CFAP54: variants seen among roughly 807,000 people sequenced by gnomAD.
CFAP54 encodes cilia and flagella associated protein 54, also known as cilia- and flagella-associated protein 54.
CFAP54 carries 290 observed loss-of-function variants against 370.4 expected under a neutral mutation model. The ratio of observed to expected loss-of-function variants is 0.78; its 90% CI spans 0.71 to 0.86. The LOEUF (loss-of-function observed/expected upper bound fraction) is 0.86. Among genes scored for constraint, CFAP54 ranks in the 40% least tolerant of loss-of-function variants. The probability of loss-of-function intolerance (pLI) is 0.00; values close to 1 mark genes in which losing one functional copy is unlikely to be tolerated. For synonymous variants in CFAP54, 1,206 were observed against 1,236.5 expected (o/e 0.98, Z 0.52); for missense variants, 3,399 against 3,528.7 (o/e 0.96, Z 0.93).
intron 51 of CFAP54, among the ~76,000 whole-genome samples, chr12:96,741,222 A>C (rs759156911): frequency 1.3e-5 from 2 of 152,114 alleles, no homozygotes; most frequent in Non-Finnish European, 2.9e-5. Flanking sequence ...CCTGGAATGC[A>C]GTGGCACAGT....
At chr12:96,615,379 T>C (rs1256548011) in intron 26 of CFAP54, among the ~76,000 whole-genome samples, 1 of 152,210 alleles carries the variant, frequency 6.6e-6, no homozygotes. Context: ...GATTAAAGAC[T>C]TAAATGTTAG....
Position 96,647,984 on chromosome 12 carries a change from A to G in CFAP54, c.4657A>G (p.Thr1553Ala). ...TAAAGCAATGCTTGATTTCCTTCTTACAGCCAAAAAAAGAAAGGCCAACTT... is the reference window on the plus strand; with the variant it reads ...TAAAGCAATGCTTGATTTCCTTCTTGCAGCCAAAAAAAGAAAGGCCAACTT... The part of the protein sequence containing the change: ...NYKAMLDFLL[T>A]AKKRKANLPS... Residue 1553 changes from threonine (T) to alanine (A), a missense_variant, in exon 34 of 68, where the codon ACA (threonine) becomes GCA (alanine). Physicochemically the swap from Thr to Ala is moderately conservative, Grantham distance 58. Around this residue, in one of 3 missense-constraint regions of CFAP54, gnomAD observed 2,796 missense variants for 2,869.7 expected, o/e 0.97. Coordinates refer to ENST00000524981, the MANE Select transcript of CFAP54 (RefSeq NM_001306084.2). The G allele has an allele frequency of 6.6e-7, 1 of 1,513,534 alleles. No individual in the cohort carries two copies. The highest frequency in any genetic ancestry group is 1.3e-5 in the South Asian group (1 of 78,446). 93.8% of individuals were successfully genotyped at this position (1,513,534 alleles called of 1,614,324 possible).
intron 60 of CFAP54, among the ~76,000 whole-genome samples, chr12:96,765,799 A>G (rs1958397053): frequency 6.6e-6 from 1 of 152,228 alleles, no homozygotes; most frequent in Non-Finnish European, 1.5e-5. Context: ...CTGGACTGCA[A>G]TACTGTTTAT....
At chr12:96,708,294 G>C (rs1438122915) in intron 47 of CFAP54, among the ~76,000 whole-genome samples, 1 of 152,130 alleles carries the variant, frequency 6.6e-6, no homozygotes, top group East Asian at 1.9e-4. Flanking sequence ...TGTCTAATGA[G>C]CTTTCAGTTT....
Position 96,860,904 on chromosome 12 carries a change from G to T in CFAP54, c.9257G>T (p.Ser3086Ile). 6.5e-7 allele frequency: 1 copy of T among 1,534,988 alleles called. No homozygotes were observed. Among genetic ancestry groups the T allele is most frequent in the Non-Finnish European group, 8.7e-7 (1 of 1,146,214 alleles). The change falls in exon 67 of 68, where the codon AGC becomes ATC. Residue 3086 changes from serine (S) to isoleucine (I), a missense_variant. Coordinates refer to ENST00000524981, the MANE Select transcript of CFAP54 (RefSeq NM_001306084.2). ...LANGCILSGG[S>I]LFNWIVSIIP ...AATGGTTGCATTTTATCAGGAGGAA[G>T]CCTTTTCAACTGGATAGTGTCAATT...
chr12:96,806,826 C>T lies in CFAP54; in HGVS notation c.8851-4910C>T, dbSNP rs551982249. Among the ~76,000 whole-genome samples, 4 of 152,206 alleles carry T rather than the reference C, an allele frequency of 2.6e-5. No individual in the cohort carries two copies. In the East Asian group the frequency reaches 7.7e-4, roughly 29 times the overall value. On this transcript the variant is annotated intron_variant, in intron 63 of 67. Coordinates refer to ENST00000524981, the MANE Select transcript of CFAP54 (RefSeq NM_001306084.2). Reference sequence around the variant, plus strand: ...TTCAGGGAGCTTGGGAAGGCAAAAGCTGTTTAAGGGAGATAGGGACTGACA... The same window carrying T: ...TTCAGGGAGCTTGGGAAGGCAAAAGTTGTTTAAGGGAGATAGGGACTGACA...
chr12:96,752,124 G>GAGAGAGAGAGAGAGAGAGAGAGAGAGAC (rs1958192946), intron 55 of CFAP54, among the ~76,000 whole-genome samples: 1 of 149,714 alleles, frequency 6.7e-6, no homozygotes, highest in Admixed American at 6.6e-5. Context: ...GAGAGAGAGA[G>GAGAGAGAGAGAGAGAGAGAGAGAGAGAC]AGAGAGAGAT....
At chr12:96,705,936 A>C (rs1957542515) in intron 47 of CFAP54, among the ~76,000 whole-genome samples, 1 of 53,178 alleles carries the variant, frequency 1.9e-5, no homozygotes, top group African/African-American at 1.1e-4. Flanking sequence ...AAGCTCTTCC[A>C]AACAATGGAA....
Position 96,496,104 on chromosome 12 carries a change from T to A in CFAP54, c.318-4730T>A, listed in dbSNP as rs183183646. Among the ~76,000 whole-genome samples, 141 of 152,360 alleles carry A rather than the reference T, an allele frequency of 9.3e-4. 1 individual carries two copies. The highest frequency in any genetic ancestry group is 8.8e-3 in the Admixed American group (134 of 15,302). Reference sequence around the variant, plus strand: ...TATTTGCTATATTTATTTGTCATTGTTATTTATTACTTGGTATATGCATAT... The same window carrying A: ...TATTTGCTATATTTATTTGTCATTGATATTTATTACTTGGTATATGCATAT... On this transcript the variant is annotated intron_variant, in intron 1 of 67. Coordinates refer to ENST00000524981, the MANE Select transcript of CFAP54 (RefSeq NM_001306084.2).
chr12:96,537,608 C>T (rs1955520421), intron 12 of CFAP54, among the ~76,000 whole-genome samples: 1 of 152,134 alleles, frequency 6.6e-6, no homozygotes, highest in Non-Finnish European at 1.5e-5. Context: ...TCCCAAAGTG[C>T]TGGGATTATA....
At chr12:96,840,157 A>G (rs2136773541) in intron 66 of CFAP54, among the ~76,000 whole-genome samples, 1 of 152,306 alleles carries the variant, frequency 6.6e-6, no homozygotes, top group Non-Finnish European at 1.5e-5. Flanking sequence ...ATCCAATAAA[A>G]CTAGGTATTT....
intron 45 of CFAP54, among the ~76,000 whole-genome samples, chr12:96,694,105 A>C (rs978764070): frequency 6.6e-6 from 1 of 152,230 alleles, no homozygotes; most frequent in Admixed American, 6.5e-5. Flanking sequence ...TTCCTGGTGA[A>C]GACCAACTGA....
At chr12:96,504,615 T>C (rs1401672239) in intron 3 of CFAP54, among the ~76,000 whole-genome samples, 1 of 152,180 alleles carries the variant, frequency 6.6e-6, no homozygotes, top group African/African-American at 2.4e-5. Context: ...TGGAAGTTTA[T>C]TAGCCCACTT....
At chr12:96,811,927 A>G (rs1012559589) in intron 64 of CFAP54, 85 bp downstream of exon 64, 1 of 742,930 alleles carries the variant, frequency 1.3e-6, no homozygotes, top group Non-Finnish European at 2.1e-6. Context: ...AAGGTGTAGC[A>G]TAGGAGACCT....
At chr12:96,512,301 T>TTATACA (rs1955178773) in intron 4 of CFAP54, among the ~76,000 whole-genome samples, 1 of 31,122 alleles carries the variant, frequency 3.2e-5, no homozygotes. Context: ...GGAACCAATT[T>TTATACA]TATATATATA....
intron 15 of CFAP54, among the ~76,000 whole-genome samples, chr12:96,552,349 T>G (rs1024626715): frequency 1.3e-5 from 2 of 152,070 alleles, no homozygotes; most frequent in African/African-American, 4.8e-5. Flanking sequence ...TAATCTTTTT[T>G]TTGTTGTTTT....
At chr12:96,712,425 G>A (rs1231087526) in intron 48 of CFAP54, among the ~76,000 whole-genome samples, 1 of 151,992 alleles carries the variant, frequency 6.6e-6, no homozygotes, top group Non-Finnish European at 1.5e-5. Context: ...GTACATGTAT[G>A]TGGGGTATAT....
intron 66 of CFAP54, among the ~76,000 whole-genome samples, chr12:96,842,040 T>C (rs1474971761): frequency 6.6e-6 from 1 of 152,234 alleles, no homozygotes; most frequent in African/African-American, 2.4e-5. Flanking sequence ...TAATGTGAAA[T>C]GAATCATTTG....
intron 47 of CFAP54, among the ~76,000 whole-genome samples, chr12:96,707,872 G>T (rs1269959543): frequency 6.6e-6 from 1 of 152,040 alleles, no homozygotes; most frequent in African/African-American, 2.4e-5. Context: ...GGGAAGGAAG[G>T]GTTAGAATTT....
Sources: gnomAD v4.1 joint callset for allele counts (sites outside exome capture counted in the v4.1 genomes callset) on GRCh38, gnomAD v4.1.1 for gene constraint, gnomAD v4.1.1 regional missense constraint, MANE v1.5 for transcripts, NCBI Gene and HGNC (gene_info 2026-07-23, HGNC 2026-07-21) for gene names.